PLEKHG3: variants seen among roughly 807,000 people sequenced by gnomAD.
The protein encoded by PLEKHG3 is pleckstrin homology and RhoGEF domain containing G3, also known as pleckstrin homology domain-containing family G member 3.
In PLEKHG3, 62 loss-of-function variants were observed where a neutral mutation model predicts 94.9. That is an observed-to-expected ratio of 0.65 (90% CI 0.53 to 0.81). PLEKHG3 has a LOEUF of 0.81. Ranked by LOEUF, PLEKHG3 falls within the 30% of genes least tolerant of loss-of-function variation. PLEKHG3 has a pLI of 0.00. For missense variants in PLEKHG3, 1,461 were observed against 1,619.3 expected (o/e 0.90, Z 1.68); for synonymous variants, 614 against 654.0 (o/e 0.94, Z 0.93).
Position 64,749,229 on chromosome 14 carries a change from G to A in PLEKHG3, c.*5526G>A. The A allele has an allele frequency of 4.7e-6, 7 of 1,504,912 alleles. No homozygotes were observed. Among genetic ancestry groups the A allele is most frequent in the Non-Finnish European group, 6.2e-6 (7 of 1,121,608 alleles). The allele number at this position is 1,504,912 out of a possible 1,614,324, so 93.2% of individuals were successfully genotyped here. ...CTCATCTCGATTCGACCGGCGGGCG[G>A]CGGCGAGAGGAGGCCAAGGCCTGGG... On this transcript the variant is annotated 3_prime_UTR_variant, in exon 17 of 17. Transcript: ENST00000247226. The surrounding 1 kb of genome is among the most constrained non-coding windows in gnomAD (Gnocchi z 4.7).
Position 64,732,939 on chromosome 14 carries a change from C to T in PLEKHG3, c.1345+38C>T. On this transcript the variant is annotated intron_variant, in intron 12 of 16. Transcript: ENST00000247226. The surrounding 1 kb of genome is among the most constrained non-coding windows in gnomAD (Gnocchi z 4.9). ...CTGTGGAGGCAGGAGGCCTCTCCCT[C>T]ACACCCTTGCCCAGACTGGGGACCG... 7.6e-7 allele frequency: 1 copy of T among 1,307,384 alleles called. No homozygotes were observed. 81.0% of individuals were successfully genotyped at this position (1,307,384 alleles called of 1,614,324 possible). A position where few individuals can be genotyped will look rare whatever the true frequency, so the allele number is the denominator to read the frequency against.
rs2081632830 is a variant in PLEKHG3 at position 64,739,023 on chromosome 14, G to T, written c.1518+168G>T. On this transcript the variant is annotated intron_variant, in intron 15 of 16. Coordinates refer to ENST00000247226, the MANE Select transcript of PLEKHG3 (RefSeq NM_001308147.2). This position sits in a 1 kb window ranked among gnomAD's most constrained non-coding sequence, Gnocchi z 4.1. Reference sequence around the variant, plus strand: ...CTGCATGAAGCCTGTTTGGCCTAGAGTATATGGTTTGGTGAGCAGACCACC... The same window carrying T: ...CTGCATGAAGCCTGTTTGGCCTAGATTATATGGTTTGGTGAGCAGACCACC... 6.6e-6 allele frequency among the ~76,000 whole-genome samples: 1 copy of T among 152,190 alleles called. No homozygotes were observed. Among genetic ancestry groups the T allele is most frequent in the African/African-American group, 2.4e-5 (1 of 41,434 alleles).
chr14:64,741,917 A>G lies in PLEKHG3; in HGVS notation c.2400A>G (p.Pro800=). The G allele has an allele frequency of 6.3e-7, 1 of 1,590,366 alleles. No individual in the cohort carries two copies. ...CAAGCCAGGCAGTCAAAGGGGACCCACCTCCCATCTCAGATGCTGAGTTCC... is the reference window on the plus strand; with the variant it reads ...CAAGCCAGGCAGTCAAAGGGGACCCGCCTCCCATCTCAGATGCTGAGTTCC... ...PGPSQAVKGD[P]PPISDAEFRP... The change falls in exon 16 of 17, where the codon CCA becomes CCG. Residue 800 remains proline (P), a synonymous_variant. Transcript: ENST00000247226.
chr14:64,741,828 G>C lies in PLEKHG3; in HGVS notation c.2311G>C (p.Val771Leu), dbSNP rs1461497960. ...PRPDPEPVPP[V>L]GSKRQVGSRP... ...GCCAGACCCAGAGCCAGTACCTCCA[G>C]TGGGGAGCAAGAGACAGGTGGGCTC... Residue 771 changes from valine to leucine, a missense_variant, in exon 16 of 17, where the codon GTG (valine) becomes CTG (leucine). Val to Leu is a conservative substitution (Grantham distance 32). This residue lies in a region of PLEKHG3 where 1,201 missense variants were observed against 1,295.5 expected (regional missense o/e 0.93). Coordinates refer to ENST00000247226, the MANE Select transcript of PLEKHG3 (RefSeq NM_001308147.2). 6.2e-7 allele frequency: 1 copy of C among 1,613,652 alleles called. No homozygotes were observed. The highest frequency in any genetic ancestry group is 1.1e-5 in the South Asian group (1 of 91,086).
chr14:64,710,778 T>C (rs2081056149), intron 1 of PLEKHG3, among the ~76,000 whole-genome samples: 1 of 149,828 alleles, frequency 6.7e-6, no homozygotes, highest in Non-Finnish European at 1.5e-5. Context: ...AGATAAAAAC[T>C]CCAGGAAAAG....
chr14:64,738,605 TG>T lies in PLEKHG3; in HGVS notation c.1405-135del. On this transcript the variant is annotated intron_variant, in intron 14 of 16. Coordinates refer to ENST00000247226, the MANE Select transcript of PLEKHG3 (RefSeq NM_001308147.2). The surrounding 1 kb of genome is among the most constrained non-coding windows in gnomAD (Gnocchi z 4.8). The stretch of plus-strand genomic sequence containing the variant: ...CAGGCCTGGCAGTTCAGGTTGGCTC[TG>T]GAATGGCTCAGGTCCAAGACTGGCT... The T allele has an allele frequency of 1.5e-6, 1 of 674,376 alleles. No individual in the cohort carries two copies. The highest frequency in any genetic ancestry group is 2.6e-6 in the Non-Finnish European group (1 of 383,462). 41.8% of individuals were successfully genotyped at this position (674,376 alleles called of 1,614,324 possible). A position where few individuals can be genotyped will look rare whatever the true frequency, so the allele number is the denominator to read the frequency against.
At position 64,730,298 on chromosome 14, in the gene PLEKHG3, T is replaced by A; in HGVS notation, c.505T>A (p.Cys169Ser). The change falls in exon 4 of 17, where the codon TGC becomes AGC. Residue 169 changes from cysteine (C) to serine (S), a missense_variant. Cys to Ser is a moderately radical substitution (Grantham distance 112). Coordinates refer to ENST00000247226, the MANE Select transcript of PLEKHG3 (RefSeq NM_001308147.2). This position sits in a 1 kb window ranked among gnomAD's most constrained non-coding sequence, Gnocchi z 5.4. ...CNSDPVAVAS[C>S]FVERSQEFDI... ...TAGTGACCCCGTGGCTGTGGCCAGC[T>A]GCTTTGTGGAAAGGGTAAGAAGGGC... 6.5e-7 allele frequency: 1 copy of A among 1,534,524 alleles called. No homozygotes were observed. Among genetic ancestry groups the A allele is most frequent in the East Asian group, 2.4e-5 (1 of 40,912 alleles).
Position 64,716,200 on chromosome 14 carries a change from C to T in PLEKHG3, c.-39-11393C>T. ...CCGGACTTCCCCCAGGAAACCCAGC[C>T]AATCACAGGCTTTAGGGTAAAAGGC... On this transcript the variant is annotated intron_variant, in intron 1 of 16. Transcript: ENST00000247226. The surrounding 1 kb of genome is among the most constrained non-coding windows in gnomAD (Gnocchi z 5.0). 1.3e-5 allele frequency: 5 copies of T among 372,782 alleles called. 1 individual carries two copies. The highest frequency in any genetic ancestry group is 7.8e-5 in the South Asian group (4 of 51,306). 23.1% of individuals were successfully genotyped at this position (372,782 alleles called of 1,614,324 possible).
chr14:64,741,578 G>A lies in PLEKHG3; in HGVS notation c.2061G>A (p.Glu687=). The change falls in exon 16 of 17, where the codon GAG becomes GAA. Residue 687 remains glutamate (E), a synonymous_variant. Coordinates refer to ENST00000247226, the MANE Select transcript of PLEKHG3 (RefSeq NM_001308147.2). ...ACAGCCCTTCTGTCAATGGGATGGA[G>A]CCCCCAAGCCCAGGCTGCCCAGTGG... The part of the protein sequence containing the change: ...TEDSPSVNGM[E]PPSPGCPVEP... 6.8e-6 allele frequency: 11 copies of A among 1,612,968 alleles called. No individual in the cohort carries two copies. The highest frequency in any genetic ancestry group is 9.3e-6 in the Non-Finnish European group (11 of 1,180,030).
rs754559651 is a variant in PLEKHG3 at position 64,743,370 on chromosome 14, C to T, written c.3327C>T (p.Gly1109=). 4.0e-5 allele frequency: 65 copies of T among 1,607,362 alleles called. No individual in the cohort carries two copies. Among genetic ancestry groups the T allele is most frequent in the Middle Eastern group, 1.6e-4 (1 of 6,068 alleles). ...TGAGCACCAAGAGGGGCCGGGGAGGCGGAGAGGCTGCCCAATCCCCTGGGC... is the reference window on the plus strand; with the variant it reads ...TGAGCACCAAGAGGGGCCGGGGAGGTGGAGAGGCTGCCCAATCCCCTGGGC... ...RSLSTKRGRG[G]GEAAQSPGPL... is the part of the protein sequence containing the mutation. The change falls in exon 17 of 17, where the codon GGC becomes GGT. Residue 1109 remains glycine, a synonymous_variant. Coordinates refer to ENST00000247226, the MANE Select transcript of PLEKHG3 (RefSeq NM_001308147.2). This position sits in a 1 kb window ranked among gnomAD's most constrained non-coding sequence, Gnocchi z 7.2.
In PLEKHG3 at chr14:64,738,262, C is replaced by A. The variant is rs896727881; in HGVS notation, c.1405-480C>A. On this transcript the variant is annotated intron_variant, in intron 14 of 16. Coordinates refer to ENST00000247226, the MANE Select transcript of PLEKHG3 (RefSeq NM_001308147.2). The surrounding 1 kb of genome is among the most constrained non-coding windows in gnomAD (Gnocchi z 4.8). ...TTCGATCTCCCCTCCTCCTTGCATGCTCCCTGGGATGTGCATGCCCACCCG... is the reference window on the plus strand; with the variant it reads ...TTCGATCTCCCCTCCTCCTTGCATGATCCCTGGGATGTGCATGCCCACCCG... 3.2e-6 allele frequency: 4 copies of A among 1,246,530 alleles called. No individual in the cohort carries two copies. The Admixed American group carries it at 7.0e-5, about 22-fold the overall frequency. 77.2% of individuals were successfully genotyped at this position (1,246,530 alleles called of 1,614,324 possible). A position where few individuals can be genotyped will look rare whatever the true frequency, so the allele number is the denominator to read the frequency against.
At chr14:64,733,861 T>C (rs2081521219) in intron 12 of PLEKHG3, among the ~76,000 whole-genome samples, 1 of 152,224 alleles carries the variant, frequency 6.6e-6, no homozygotes, top group Non-Finnish European at 1.5e-5. Context: ...AAATTGGTTT[T>C]TTCGTTGCTA....
In PLEKHG3 at chr14:64,716,481, AACACACACACACACAACAC is replaced by A. The variant is rs2081157268; in HGVS notation, c.-39-11096_-39-11078del. 3.4e-5 allele frequency among the ~76,000 whole-genome samples: 4 copies of A among 116,340 alleles called. No homozygotes were observed. Among genetic ancestry groups the A allele is most frequent in the Admixed American group, 8.5e-5 (1 of 11,710 alleles). 76.3% of individuals were successfully genotyped at this position (116,340 alleles called of 152,430 possible). On this transcript the variant is annotated intron_variant, in intron 1 of 16. Transcript: ENST00000247226. The surrounding 1 kb of genome is among the most constrained non-coding windows in gnomAD (Gnocchi z 5.0). ...ACACACACACAACACACACACACACAACACACACACACACAACACACACACACACACACACACACACACA... is the reference window on the plus strand; with the variant it reads ...ACACACACACAACACACACACACACAACACACACACACACACACACACACA...
In PLEKHG3 at chr14:64,742,015, G is replaced by C; in HGVS notation, c.2498G>C (p.Gly833Ala). The C allele has an allele frequency of 6.3e-7, 1 of 1,582,754 alleles. No individual in the cohort carries two copies. The highest frequency in any genetic ancestry group is 1.2e-5 in the South Asian group (1 of 86,410). The change falls in exon 16 of 17, where the codon GGC (glycine) becomes GCC (alanine). Residue 833 changes from glycine (G) to alanine (A), a missense_variant. Coordinates refer to ENST00000247226, the MANE Select transcript of PLEKHG3 (RefSeq NM_001308147.2). ...GGAGGGAGCCCTGGGAAGGGGCCAG[G>C]CCAGGGCCAGGCCAATGGCTTTGAC... is the stretch of plus-strand genomic sequence containing the variant. ...SSGGSPGKGP[G>A]QGQANGFDLH...
Position 64,716,291 on chromosome 14 carries a change from T to A in PLEKHG3, c.-39-11302T>A, listed in dbSNP as rs962993148. ...GGAGCAGGCATAGGTGAGCTGCTCT[T>A]CTTAGTGGACTGTCATGTGTCTGGG... is the stretch of plus-strand genomic sequence containing the variant. On this transcript the variant is annotated intron_variant, in intron 1 of 16. Transcript: ENST00000247226. This position sits in a 1 kb window ranked among gnomAD's most constrained non-coding sequence, Gnocchi z 5.0. 1.3e-5 allele frequency among the ~76,000 whole-genome samples: 2 copies of A among 152,070 alleles called. No individual in the cohort carries two copies. Among genetic ancestry groups the A allele is most frequent in the African/African-American group, 4.8e-5 (2 of 41,394 alleles).
At chr14:64,724,824 C>T (rs772252270) in intron 1 of PLEKHG3, among the ~76,000 whole-genome samples, 1 of 152,162 alleles carries the variant, frequency 6.6e-6, no homozygotes, top group Non-Finnish European at 1.5e-5. Flanking sequence ...AGCCTCAGTG[C>T]CTGAGTTCAA....
Position 64,743,781 on chromosome 14 carries a change from T to TC in PLEKHG3, c.*79dup. ...GGCATCCTTCCCCTCAAGCCTGGGC[T>TC]CATGGAGCCCCTGCCCAGGGCCCTC... On this transcript the variant is annotated 3_prime_UTR_variant, in exon 17 of 17. Coordinates refer to ENST00000247226, the MANE Select transcript of PLEKHG3 (RefSeq NM_001308147.2). The surrounding 1 kb of genome is among the most constrained non-coding windows in gnomAD (Gnocchi z 7.2). The TC allele has an allele frequency of 1.4e-6, 2 of 1,445,440 alleles. No homozygotes were observed. Among genetic ancestry groups the TC allele is most frequent in the Non-Finnish European group, 1.8e-6 (2 of 1,094,448 alleles). The allele number at this position is 1,445,440 out of a possible 1,614,324, so 89.5% of individuals were successfully genotyped here. A position where few individuals can be genotyped will look rare whatever the true frequency, so the allele number is the denominator to read the frequency against.
rs1367853833 is a variant in PLEKHG3 at position 64,715,947 on chromosome 14, C to T, written c.-40+11243C>T. On this transcript the variant is annotated intron_variant, in intron 1 of 16. Transcript: ENST00000247226. This position sits in a 1 kb window ranked among gnomAD's most constrained non-coding sequence, Gnocchi z 4.4. ...ACGAAGTTTTGCAGGAGGCGGCGGG[C>T]GCTTTAATTCCCGAGGCTGTTGGTG... 5 of 437,292 alleles carry T rather than the reference C, an allele frequency of 1.1e-5. No homozygotes were observed. Among genetic ancestry groups the T allele is most frequent in the Admixed American group, 2.6e-5 (1 of 38,840 alleles). 27.1% of individuals were successfully genotyped at this position (437,292 alleles called of 1,614,324 possible). A position where few individuals can be genotyped will look rare whatever the true frequency, so the allele number is the denominator to read the frequency against.
In PLEKHG3 at chr14:64,737,791, C is replaced by T. The variant is rs542224656; in HGVS notation, c.1404+416C>T. The stretch of plus-strand genomic sequence containing the variant: ...GCTTTCTGTGTGAAGGCTCCCCCCC[C>T]GCAGCTGCCTGCAGGAGGACGGGAG... On this transcript the variant is annotated intron_variant, in intron 14 of 16. Transcript: ENST00000247226. 7.0e-5 allele frequency: 57 copies of T among 811,610 alleles called. 1 individual carries two copies. Among genetic ancestry groups the T allele is most frequent in the African/African-American group, 9.2e-5 (5 of 54,432 alleles). 50.3% of individuals were successfully genotyped at this position (811,610 alleles called of 1,614,324 possible). A position where few individuals can be genotyped will look rare whatever the true frequency, so the allele number is the denominator to read the frequency against.
Sources: allele counts gnomAD v4.1 joint callset (sites outside exome capture counted in the v4.1 genomes callset), GRCh38; gene constraint gnomAD v4.1.1; regional missense constraint gnomAD v4.1.1; non-coding constraint Gnocchi (gnomAD v3.1); transcripts MANE v1.5; gene names NCBI Gene and HGNC (gene_info 2026-07-23, HGNC 2026-07-21).